The following ZFYVE28 variants were observed in gnomAD, a reference collection of about 807,000 sequenced individuals.
ZFYVE28 encodes zinc finger FYVE-type containing 28.
ZFYVE28 carries 40 observed loss-of-function variants against 82.1 expected under a neutral mutation model. The ratio of observed to expected loss-of-function variants is 0.49; its 90% CI spans 0.38 to 0.63. The LOEUF (loss-of-function observed/expected upper bound fraction) is 0.63, where lower values mean the gene tolerates loss of function less well. Among genes scored for constraint, ZFYVE28 ranks in the 30% least tolerant of loss-of-function variants. ZFYVE28 has a pLI of 0.00. For synonymous variants in ZFYVE28, 612 were observed against 546.1 expected (o/e 1.12, Z -1.68); for missense variants, 1,321 against 1,242.1 (o/e 1.06, Z -0.96).
chr4:2,314,159 T>C (rs1028926149), intron 7 of ZFYVE28, among the ~76,000 whole-genome samples: 10 of 152,280 alleles, frequency 6.6e-5, no homozygotes, highest in African/African-American at 2.2e-4. Context: ...GAAATATTTC[T>C]CTTTATCTGT....
chr4:2,319,177 A>G (rs1483138061), intron 7 of ZFYVE28: 2 of 152,182 alleles, frequency 1.3e-5, no homozygotes, highest in Admixed American at 6.5e-5. Flanking sequence ...TGTAGGTGGC[A>G]TCTGTCTCCT....
chr4:2,370,974 C>G (rs1191165977), intron 1 of ZFYVE28, among the ~76,000 whole-genome samples: 1 of 152,220 alleles, frequency 6.6e-6, no homozygotes, highest in Non-Finnish European at 1.5e-5. Flanking sequence ...ACCACGAAGA[C>G]CCCCAGGGAA....
At chr4:2,310,072 G>A (rs761047988) in intron 7 of ZFYVE28, among the ~76,000 whole-genome samples, 3 of 151,432 alleles carry the variant, frequency 2.0e-5, no homozygotes, top group East Asian at 1.9e-4. Flanking sequence ...AATGTCTTGC[G>A]CTGTCACCCA....
chr4:2,319,818 T>TGGTGGGGAC (rs1442875447), intron 7 of ZFYVE28, among the ~76,000 whole-genome samples: 3 of 55,396 alleles, frequency 5.4e-5, no homozygotes, highest in Non-Finnish European at 7.6e-5. Context: ...ACGGTGGGGA[T>TGGTGGGGAC]GGTGGGGATG....
chr4:2,363,863 G>A, intron 1 of ZFYVE28, among the ~76,000 whole-genome samples: 1 of 152,154 alleles, frequency 6.6e-6, no homozygotes, highest in East Asian at 1.9e-4. Flanking sequence ...ATTTACAGAG[G>A]GAAGAACCAA....
At chr4:2,291,011 T>C (rs1381810090) in intron 8 of ZFYVE28, among the ~76,000 whole-genome samples, 2 of 152,194 alleles carry the variant, frequency 1.3e-5, no homozygotes, top group African/African-American at 4.8e-5. Context: ...AATGAGGAAA[T>C]GCAGATTAGC....
At chr4:2,402,788 T>G (rs1288579766) in intron 1 of ZFYVE28, among the ~76,000 whole-genome samples, 1 of 152,166 alleles carries the variant, frequency 6.6e-6, no homozygotes, top group Non-Finnish European at 1.5e-5. Context: ...GTGCTGGAAT[T>G]TAAGCTCACT....
rs1355998596 is a variant in ZFYVE28, at chr4:2,408,454, CCT to C, written c.39+9829_39+9830del. 1.3e-5 allele frequency among the ~76,000 whole-genome samples: 2 copies of C among 152,196 alleles called. No individual in the cohort carries two copies. The highest frequency in any genetic ancestry group is 4.8e-5 in the African/African-American group (2 of 41,446). The stretch of plus-strand genomic sequence containing the variant: ...TCACCTTGCCACTCTGCTCCACTGC[CCT>C]GAGACTCAGCATCGGGGAGAAAGCC... On this transcript the variant is annotated intron_variant, in intron 1 of 12. Coordinates refer to ENST00000290974, the MANE Select transcript of ZFYVE28 (RefSeq NM_020972.3). The surrounding 1 kb of genome is among the most constrained non-coding windows in gnomAD (Gnocchi z 4.3).
intron 1 of ZFYVE28, among the ~76,000 whole-genome samples, chr4:2,414,589 T>C (rs1471245583): frequency 1.3e-5 from 2 of 152,176 alleles, no homozygotes; most frequent in Non-Finnish European, 2.9e-5. Context: ...ACCAGCCACA[T>C]GGGAACTACC....
rs899619846 is a variant in ZFYVE28 at position 2,269,750 on chromosome 4, G to C, written c.*975C>G. ...GTACTCCACCAGTAAACAGTAATTAGATTTATCCTAGAAAAGAAGCAGTAG... is the reference window on the plus strand; with the variant it reads ...GTACTCCACCAGTAAACAGTAATTACATTTATCCTAGAAAAGAAGCAGTAG... On this transcript the variant is annotated 3_prime_UTR_variant, in exon 13 of 13. Transcript: ENST00000290974. 6.6e-6 allele frequency: 1 copy of C among 152,178 alleles called. No individual in the cohort carries two copies. The highest frequency in any genetic ancestry group is 2.4e-5 in the African/African-American group (1 of 41,416). 9.4% of individuals were successfully genotyped at this position (152,178 alleles called of 1,614,324 possible).
At position 2,270,839 on chromosome 4, in the gene ZFYVE28, G is replaced by A. The variant is rs769590701; in HGVS notation, c.2550C>T (p.Cys850=). Residue 850 remains cysteine, a synonymous_variant, in exon 13 of 13, where the codon TGC becomes TGT. Transcript: ENST00000290974. ...GGGGCAGCGGTGCTGAGTGCGAGGA[G>A]CAGCGCGAGCAGAAGATCTGGAATG... ...RSCGKIFCSR[C]SSHSAPLPRY... The A allele has an allele frequency of 6.2e-6, 10 of 1,612,794 alleles. No individual in the cohort carries two copies. The highest frequency in any genetic ancestry group is 2.2e-5 in the East Asian group (1 of 44,876).
rs143184949 is a variant in ZFYVE28 at position 2,320,231 on chromosome 4, G to A, written c.742C>T (p.Arg248Cys). The A allele has an allele frequency of 2.2e-5, 36 of 1,613,822 alleles. No individual in the cohort carries two copies. The highest frequency in any genetic ancestry group is 2.7e-5 in the Non-Finnish European group (32 of 1,180,000). Residue 248 changes from arginine to cysteine, a missense_variant, in exon 7 of 13, where the codon CGC becomes TGC. Transcript: ENST00000290974. This position sits in a 1 kb window ranked among gnomAD's most constrained non-coding sequence, Gnocchi z 5.1. Reference sequence around the variant, plus strand: ...AGCTCGGACATGTCTTCCACCTTGCGGTCCAAGTTCAGAGGTCCGTCCGCA... The same window carrying A: ...AGCTCGGACATGTCTTCCACCTTGCAGTCCAAGTTCAGAGGTCCGTCCGCA... The part of the protein sequence containing the change: ...VYADGPLNLD[R>C]KVEDMSELFR...
At chr4:2,289,971 C>A (rs2108810134) in intron 8 of ZFYVE28, among the ~76,000 whole-genome samples, 1 of 152,280 alleles carries the variant, frequency 6.6e-6, no homozygotes, top group South Asian at 2.1e-4. Context: ...TGCAGAAGCT[C>A]AGGGGGAGGA....
intron 1 of ZFYVE28, among the ~76,000 whole-genome samples, chr4:2,383,508 G>A (rs1383526163): frequency 1.3e-5 from 2 of 152,178 alleles, no homozygotes; most frequent in Admixed American, 1.3e-4. Context: ...GTCTTTATCA[G>A]CAGCGTGAAA....
chr4:2,301,477 A>T (rs1715512275), intron 8 of ZFYVE28, among the ~76,000 whole-genome samples: 1 of 151,264 alleles, frequency 6.6e-6, no homozygotes. Context: ...GGAAGATGAC[A>T]CCACCACCTG....
intron 5 of ZFYVE28, among the ~76,000 whole-genome samples, chr4:2,336,577 T>C (rs3118619): frequency 3.3e-5 from 5 of 152,044 alleles, no homozygotes; most frequent in Admixed American, 2.6e-4. Flanking sequence ...CCCCACTCCC[T>C]AAAAAAGAAA....
intron 1 of ZFYVE28, among the ~76,000 whole-genome samples, chr4:2,373,041 AG>A (rs1727740803): frequency 6.6e-6 from 1 of 152,194 alleles, no homozygotes; most frequent in Admixed American, 6.5e-5. Context: ...CCCCCACCAC[AG>A]GGACAGAAGG....
chr4:2,302,056 A>C (rs1033156352), intron 8 of ZFYVE28, among the ~76,000 whole-genome samples: 14 of 152,336 alleles, frequency 9.2e-5, no homozygotes, highest in South Asian at 6.2e-4. Flanking sequence ...TCTAGCAAGC[A>C]CTGGAGCGGC....
intron 1 of ZFYVE28, among the ~76,000 whole-genome samples, chr4:2,386,560 G>C (rs1729279092): frequency 6.6e-6 from 1 of 152,136 alleles, no homozygotes; most frequent in Non-Finnish European, 1.5e-5. Context: ...GTGGACTGAG[G>C]GTCAATGAGC....
Sources: gnomAD v4.1 joint callset for allele counts (sites outside exome capture counted in the v4.1 genomes callset) on GRCh38, gnomAD v4.1.1 for gene constraint, Gnocchi (gnomAD v3.1) non-coding constraint, MANE v1.5 for transcripts, NCBI Gene and HGNC (gene_info 2026-07-23, HGNC 2026-07-21) for gene names.